The following PRICKLE2 variants were observed in gnomAD, a reference collection of about 807,000 sequenced individuals.
The protein encoded by PRICKLE2 is prickle-like protein 2.
In PRICKLE2, 21 loss-of-function variants were observed where a neutral mutation model predicts 81.4. That is an observed-to-expected ratio of 0.26 (90% CI 0.18 to 0.37). PRICKLE2 has a LOEUF of 0.37. Ranked by LOEUF, PRICKLE2 falls within the 10% of genes least tolerant of loss-of-function variation. The pLI, the probability that PRICKLE2 is intolerant of heterozygous loss-of-function variation, is 1.00. For missense variants in PRICKLE2, 940 were observed against 1,109.0 expected (o/e 0.85, Z 2.16); for synonymous variants, 456 against 421.5 (o/e 1.08, Z -1.00).
chr3:64,247,407 T>C (rs561245656), intron 2 of PRICKLE2, among the ~76,000 whole-genome samples: 2 of 152,360 alleles, frequency 1.3e-5, no homozygotes, highest in South Asian at 4.1e-4. Flanking sequence ...ATTCTGATCT[T>C]AAAAGAGTAA....
At chr3:64,220,400 A>G (rs542877311) in intron 1 of PRICKLE2, among the ~76,000 whole-genome samples, 5 of 152,194 alleles carry the variant, frequency 3.3e-5, no homozygotes, top group Admixed American at 6.5e-5. Flanking sequence ...GAGGCAACTC[A>G]AGTCAGCCAC....
chr3:64,100,015 T>A (rs957061366), intron 7 of PRICKLE2, 90 bp from the exon 8 acceptor site: 5 of 1,426,552 alleles, frequency 3.5e-6, no homozygotes, highest in Non-Finnish European at 4.9e-6. Flanking sequence ...CTAGGGTCAT[T>A]ATATACCGTT....
rs1692766893 is a variant in PRICKLE2 at position 64,209,329 on chromosome 3, TCTA to T, written c.-40-10365_-40-10363del. On this transcript the variant is annotated intron_variant, in intron 1 of 7. Transcript: ENST00000638394. ...ATGTCCATACATACATCCATATTTATCTATCCATCCACCTATCTATCCATTCAT... is the reference window on the plus strand; with the variant it reads ...ATGTCCATACATACATCCATATTTATTCCATCCACCTATCTATCCATTCAT... Among the ~76,000 whole-genome samples, 17 of 151,980 alleles carry T rather than the reference TCTA, an allele frequency of 1.1e-4. No individual in the cohort carries two copies. The South Asian group carries it at 3.5e-3, about 32-fold the overall frequency.
At chr3:64,124,254 A>G (rs1440327320) in intron 7 of PRICKLE2, among the ~76,000 whole-genome samples, 1 of 152,212 alleles carries the variant, frequency 6.6e-6, no homozygotes, top group Non-Finnish European at 1.5e-5. Flanking sequence ...GAGGTGAGGA[A>G]ATTGCAGAAG....
rs756209042 is a variant in PRICKLE2, at chr3:64,198,901, C to G, written c.27G>C (p.Met9Ile). 6.2e-7 allele frequency: 1 copy of G among 1,614,194 alleles called. No homozygotes were observed. The highest frequency in any genetic ancestry group is 1.7e-5 in the Admixed American group (1 of 60,028). ...ACATGAGTTTGCTGATGGTCTTCTC[C>G]ATCTCCAGCGGCATCACTGTCACCA... is the stretch of plus-strand genomic sequence containing the variant. MVTVMPLE[M>I]EKTISKLMFD... Residue 9 changes from methionine (M) to isoleucine (I), a missense_variant, in exon 2 of 8, where the codon ATG (methionine) becomes ATC (isoleucine). Transcript: ENST00000638394.
At chr3:64,110,020 T>C (rs968268031) in intron 7 of PRICKLE2, among the ~76,000 whole-genome samples, 2 of 152,206 alleles carry the variant, frequency 1.3e-5, no homozygotes, top group Non-Finnish European at 2.9e-5. Context: ...TAAAACCACT[T>C]GTAAAAGTGA....
intron 2 of PRICKLE2, among the ~76,000 whole-genome samples, chr3:64,165,467 G>A (rs1027365151): frequency 2.6e-5 from 4 of 152,064 alleles, no homozygotes; most frequent in Non-Finnish European, 5.9e-5. Flanking sequence ...TAAATAACAC[G>A]AATACATGAC....
At chr3:64,151,157 A>G (rs1268979553) in intron 6 of PRICKLE2, among the ~76,000 whole-genome samples, 4 of 152,244 alleles carry the variant, frequency 2.6e-5, no homozygotes, top group African/African-American at 9.6e-5. Flanking sequence ...GAATATTTGT[A>G]CAGTATGGTC....
At chr3:64,166,206 C>T (rs752470528) in intron 2 of PRICKLE2, among the ~76,000 whole-genome samples, 2 of 152,152 alleles carry the variant, frequency 1.3e-5, no homozygotes, top group Non-Finnish European at 2.9e-5. Context: ...TTTCCCACAG[C>T]ACTTGAGTTT....
chr3:64,178,976 TTTCTTTCTTTC>T (rs2078071275), intron 2 of PRICKLE2, among the ~76,000 whole-genome samples: 1 of 86,216 alleles, frequency 1.2e-5, no homozygotes, highest in Non-Finnish European at 2.4e-5. Flanking sequence ...TCTTTCTTTC[TTTCTTTCTTTC>T]TTTCTTTCTT....
chr3:64,238,292 A>C (rs934630467), intron 2 of PRICKLE2, among the ~76,000 whole-genome samples: 10 of 152,154 alleles, frequency 6.6e-5, no homozygotes, highest in African/African-American at 2.4e-4. Flanking sequence ...GATTGAGACC[A>C]GCCTGGACAA....
intron 7 of PRICKLE2, among the ~76,000 whole-genome samples, chr3:64,136,300 G>A (rs991839418): frequency 4.6e-5 from 7 of 151,780 alleles, no homozygotes; most frequent in African/African-American, 1.5e-4. Context: ...TATGTAAGAC[G>A]AAGAGTCTGG....
chr3:64,117,758 T>C (rs1039142215), intron 7 of PRICKLE2, among the ~76,000 whole-genome samples: 2 of 152,092 alleles, frequency 1.3e-5, no homozygotes, highest in South Asian at 2.1e-4. Flanking sequence ...ATCAACATCA[T>C]GAAAATGGCC....
chr3:64,237,184 G>C (rs954034649), intron 2 of PRICKLE2, among the ~76,000 whole-genome samples: 1 of 152,184 alleles, frequency 6.6e-6, no homozygotes, highest in African/African-American at 2.4e-5. Flanking sequence ...GAGGGCGTAT[G>C]TTACAATGTG....
chr3:64,147,582 T>C lies in PRICKLE2; in HGVS notation c.908A>G (p.Gln303Arg). 6.2e-7 allele frequency: 1 copy of C among 1,614,244 alleles called. No individual in the cohort carries two copies. The highest frequency in any genetic ancestry group is 8.5e-7 in the Non-Finnish European group (1 of 1,180,038). ...ACTGCAGGCCCGTGAGCAGAATATC[T>C]GGCCCTGCTTCGGGAGGAATGGCCG... ...LGRPFLPKQGQIFCSRACSAG... is the reference protein window; with the variant it reads ...LGRPFLPKQGRIFCSRACSAG... The change falls in exon 7 of 8, where the codon CAG becomes CGG. Residue 303 changes from glutamine to arginine, a missense_variant. Around this residue, in one of 2 missense-constraint regions of PRICKLE2, gnomAD observed 670 missense variants for 717.2 expected, o/e 0.93. Coordinates refer to ENST00000638394, the MANE Select transcript of PRICKLE2 (RefSeq NM_198859.4). This position sits in a 1 kb window ranked among gnomAD's most constrained non-coding sequence, Gnocchi z 5.0.
At chr3:64,128,260 G>T (rs62249911) in intron 7 of PRICKLE2, among the ~76,000 whole-genome samples, 1 of 152,114 alleles carries the variant, frequency 6.6e-6, no homozygotes, top group Non-Finnish European at 1.5e-5. Context: ...TACTGGAGCT[G>T]GGAAAGCATA....
chr3:64,146,942 C>G lies in PRICKLE2; in HGVS notation c.1548G>C (p.Gln516His). The change falls in exon 7 of 8, where the codon CAG (glutamine) becomes CAC (histidine). Residue 516 changes from glutamine (Q) to histidine (H), a missense_variant. Coordinates refer to ENST00000638394, the MANE Select transcript of PRICKLE2 (RefSeq NM_198859.4). ...EEEEEGGLST[Q>H]QCRTRHPISS... Reference sequence around the variant, plus strand: ...TGATGGGATGACGGGTCCGACACTGCTGAGTGGACAAGCCCCCTTCCTCTT... The same window carrying G: ...TGATGGGATGACGGGTCCGACACTGGTGAGTGGACAAGCCCCCTTCCTCTT... 1 of 1,614,126 alleles carries G rather than the reference C, an allele frequency of 6.2e-7. No individual in the cohort carries two copies. The highest frequency in any genetic ancestry group is 8.5e-7 in the Non-Finnish European group (1 of 1,180,014).
At chr3:64,267,916 T>C (rs944845993) in intron 2 of PRICKLE2, 1 of 152,266 alleles carries the variant, frequency 6.6e-6, no homozygotes, top group Admixed American at 6.5e-5. Context: ...AGCCTTGCAT[T>C]GCTCCGACGC....
At position 64,098,225 on chromosome 3, in the gene PRICKLE2, A is replaced by G. The variant is rs1011440945; in HGVS notation, c.*826T>C. 1 of 152,542 alleles carries G rather than the reference A, an allele frequency of 6.6e-6. No homozygotes were observed. Among genetic ancestry groups the G allele is most frequent in the Non-Finnish European group, 1.5e-5 (1 of 68,044 alleles). The allele number at this position is 152,542 out of a possible 1,614,324, so 9.4% of individuals were successfully genotyped here. On this transcript the variant is annotated 3_prime_UTR_variant, in exon 8 of 8. Transcript: ENST00000638394. Reference sequence around the variant, plus strand: ...CAGCAGGGATGGCATTTCTCACAGAATTTTACTGACACCGGTTGGTTTCTC... The same window carrying G: ...CAGCAGGGATGGCATTTCTCACAGAGTTTTACTGACACCGGTTGGTTTCTC...
Sources: allele counts gnomAD v4.1 joint callset (sites outside exome capture counted in the v4.1 genomes callset), GRCh38; gene constraint gnomAD v4.1.1; regional missense constraint gnomAD v4.1.1; non-coding constraint Gnocchi (gnomAD v3.1); transcripts MANE v1.5; gene names NCBI Gene and HGNC (gene_info 2026-07-23, HGNC 2026-07-21).